The following DNAH6 variants were observed in gnomAD, a reference collection of about 807,000 sequenced individuals.
The protein encoded by DNAH6 is dynein axonemal heavy chain 6.
In DNAH6, 340 loss-of-function variants were observed where a neutral mutation model predicts 491.4. The ratio of observed to expected loss-of-function variants is 0.69; its 90% CI spans 0.63 to 0.76. The LOEUF (loss-of-function observed/expected upper bound fraction) is 0.76, where lower values mean the gene tolerates loss of function less well. Ranked by LOEUF, DNAH6 falls within the 30% of genes least tolerant of loss-of-function variation. The pLI is 0.00. For missense variants in DNAH6, 4,443 were observed against 4,972.2 expected, an observed-to-expected ratio of 0.89 and a Z score of 3.20; for synonymous variants, 1,603 against 1,686.1, an observed-to-expected ratio of 0.95 and a Z score of 1.21.
intron 76 of DNAH6, among the ~76,000 whole-genome samples, chr2:84,817,323 GA>G (rs1680587976): frequency 6.6e-6 from 1 of 152,170 alleles, no homozygotes; most frequent in Non-Finnish European, 1.5e-5. Context: ...AAAGATAATG[GA>G]GAATCACCTT....
chr2:84,585,223 C>T (rs770987734), intron 15 of DNAH6, among the ~76,000 whole-genome samples: 1 of 152,140 alleles, frequency 6.6e-6, no homozygotes, highest in Non-Finnish European at 1.5e-5. Context: ...TGAAAGTAAA[C>T]ACATCTATGT....
intron 61 of DNAH6, among the ~76,000 whole-genome samples, chr2:84,730,889 A>G (rs1699065358): frequency 6.6e-6 from 1 of 152,220 alleles, no homozygotes; most frequent in South Asian, 2.1e-4. Flanking sequence ...ATGCCTATGA[A>G]CGTTAACTAA....
chr2:84,595,936 T>C, intron 18 of DNAH6, 147 bp downstream of exon 18: 1 of 884,348 alleles, frequency 1.1e-6, no homozygotes, highest in Non-Finnish European at 1.6e-6. Flanking sequence ...TTTTTTGCAG[T>C]GGCACAGACT....
At position 84,616,937 on chromosome 2, in the gene DNAH6, A is replaced by C. The variant is rs1214601287; in HGVS notation, c.3527A>C (p.Lys1176Thr). 2.7e-6 allele frequency: 4 copies of C among 1,502,624 alleles called. No homozygotes were observed. The African/African-American group carries it at 4.3e-5, about 16-fold the overall frequency. The allele number at this position is 1,502,624 out of a possible 1,614,324, so 93.1% of individuals were successfully genotyped here. A position where few individuals can be genotyped will look rare whatever the true frequency, so the allele number is the denominator to read the frequency against. ...AATGCATTACTTGACCAAATTCAGA[A>C]GTGCCTAGAGGCATACTTAGAATCA... is the stretch of plus-strand genomic sequence containing the variant. The part of the protein sequence containing the change: ...NNNALLDQIQ[K>T]CLEAYLESKR... Residue 1176 changes from lysine to threonine, a missense_variant, in exon 23 of 77, where the codon AAG becomes ACG. Physicochemically the swap from Lys to Thr is moderately conservative, Grantham distance 78. Around this residue, in one of 3 missense-constraint regions of DNAH6, gnomAD observed 2,977 missense variants for 3,296.6 expected, o/e 0.90. Transcript: ENST00000389394.
intron 63 of DNAH6, among the ~76,000 whole-genome samples, chr2:84,758,427 G>A (rs752633029): frequency 1.3e-5 from 2 of 151,956 alleles, no homozygotes; most frequent in Non-Finnish European, 2.9e-5. Flanking sequence ...ATTCTATGAG[G>A]CCAGTATTAT....
chr2:84,570,436 TA>T (rs1681668902), intron 11 of DNAH6, among the ~76,000 whole-genome samples: 1 of 152,068 alleles, frequency 6.6e-6, no homozygotes, highest in Non-Finnish European at 1.5e-5. Context: ...TGTGTCTAGC[TA>T]AAGGAATGTA....
the DNAH6 span, among the ~76,000 whole-genome samples, chr2:84,474,375 C>A: frequency 1.2e-4 from 18 of 152,148 alleles, no homozygotes; most frequent in Admixed American, 6.5e-5. Context: ...CATTGCTCTA[C>A]CCAAACCGGT....
At chr2:84,812,132 G>A (rs967615385) in intron 72 of DNAH6, among the ~76,000 whole-genome samples, 7 of 152,134 alleles carry the variant, frequency 4.6e-5, no homozygotes, top group African/African-American at 1.7e-4. Flanking sequence ...GCTTTCAACT[G>A]CCACCCTCAA....
At chr2:84,766,873 C>A (rs1250367202) in intron 64 of DNAH6, among the ~76,000 whole-genome samples, 2 of 152,098 alleles carry the variant, frequency 1.3e-5, no homozygotes, top group African/African-American at 4.8e-5. Flanking sequence ...GGTAAACCCC[C>A]TTACTTTAGG....
At chr2:84,745,392 G>A (rs1210535836) in intron 63 of DNAH6, 143 bp downstream of exon 63, 3 of 626,710 alleles carry the variant, frequency 4.8e-6, no homozygotes, top group South Asian at 3.4e-5. Flanking sequence ...TGGGCCGAGC[G>A]CCGTGGCTCA....
At chr2:84,640,694 T>A (rs1412548841) in intron 32 of DNAH6, 116 bp downstream of exon 32, 2 of 1,010,098 alleles carry the variant, frequency 2.0e-6, no homozygotes, top group Non-Finnish European at 2.9e-6. Context: ...TGGCTGCTGC[T>A]GTTGTCATCA....
intron 70 of DNAH6, among the ~76,000 whole-genome samples, chr2:84,801,722 A>G (rs774599478): frequency 6.6e-6 from 1 of 152,002 alleles, no homozygotes; most frequent in South Asian, 2.1e-4. Flanking sequence ...TGTCTCTACT[A>G]AAATACAAAA....
At chr2:84,678,370 G>C (rs917584499) in intron 41 of DNAH6, among the ~76,000 whole-genome samples, 7 of 152,210 alleles carry the variant, frequency 4.6e-5, no homozygotes, top group African/African-American at 1.7e-4. Flanking sequence ...ACTTTTTTGA[G>C]AACTTTTATA....
upstream of DNAH6, among the ~76,000 whole-genome samples, chr2:84,513,274 T>C (rs1675405028): frequency 6.6e-6 from 1 of 152,168 alleles, no homozygotes; most frequent in South Asian, 2.1e-4. Context: ...AATATTATAA[T>C]ATGGTAACTC....
intron 61 of DNAH6, among the ~76,000 whole-genome samples, chr2:84,732,450 A>G (rs1411393192): frequency 2.0e-5 from 3 of 152,250 alleles, no homozygotes; most frequent in African/African-American, 4.8e-5. Context: ...TTATTCAACC[A>G]TAAGAAAGAA....
chr2:84,662,264 C>T (rs1180690850), intron 37 of DNAH6, among the ~76,000 whole-genome samples: 2 of 152,020 alleles, frequency 1.3e-5, no homozygotes, highest in African/African-American at 4.8e-5. Context: ...CTCACTGGGG[C>T]TTGTCGGACA....
upstream of DNAH6, among the ~76,000 whole-genome samples, chr2:84,513,158 C>T (rs922831131): frequency 1.3e-5 from 2 of 151,908 alleles, no homozygotes; most frequent in South Asian, 2.1e-4. Flanking sequence ...TTACAATTAA[C>T]ATCTTAATTT....
At chr2:84,666,342 T>C (rs1175730795) in intron 37 of DNAH6, among the ~76,000 whole-genome samples, 1 of 152,176 alleles carries the variant, frequency 6.6e-6, no homozygotes, top group African/African-American at 2.4e-5. Context: ...TGATTGTATA[T>C]TTAGAAAATC....
intron 3 of DNAH6, among the ~76,000 whole-genome samples, chr2:84,526,136 G>A (rs555609520): frequency 2.0e-5 from 3 of 152,212 alleles, no homozygotes; most frequent in South Asian, 4.1e-4. Context: ...GTTGTAGAGC[G>A]AGGAAGTTGC....
Sources: gnomAD v4.1 joint callset for allele counts (sites outside exome capture counted in the v4.1 genomes callset) on GRCh38, gnomAD v4.1.1 for gene constraint, gnomAD v4.1.1 regional missense constraint, MANE v1.5 for transcripts, NCBI Gene and HGNC (gene_info 2026-07-23, HGNC 2026-07-21) for gene names.